COL23A1: variants seen among roughly 807,000 people sequenced by gnomAD.
The protein encoded by COL23A1 is collagen type XXIII alpha 1 chain.
COL23A1 carries 97 observed loss-of-function variants against 99.3 expected under a neutral mutation model. The ratio of observed to expected loss-of-function variants is 0.98; its 90% CI spans 0.83 to 1.16. The LOEUF (loss-of-function observed/expected upper bound fraction) is 1.16, where lower values mean the gene tolerates loss of function less well. Among genes scored for constraint, COL23A1 ranks in the 50% most tolerant of loss-of-function variants. COL23A1 has a pLI of 0.00. For synonymous variants in COL23A1, 320 were observed against 308.2 expected (o/e 1.04, Z -0.40); for missense variants, 762 against 757.4 (o/e 1.01, Z -0.07).
intron 2 of COL23A1, among the ~76,000 whole-genome samples, chr5:178,547,011 G>A (rs1226965600): frequency 1.3e-5 from 2 of 152,288 alleles, no homozygotes; most frequent in South Asian, 2.1e-4. Flanking sequence ...AAGCTTGGGG[G>A]GCATCCTTCT....
At chr5:178,287,839 G>A (rs1219023938) in intron 5 of COL23A1, among the ~76,000 whole-genome samples, 3 of 152,234 alleles carry the variant, frequency 2.0e-5, no homozygotes, top group Non-Finnish European at 1.5e-5. Context: ...CTTGGCCGGG[G>A]CTAGGACATC....
In COL23A1 at chr5:178,247,021, C is replaced by G. The variant is rs188459186; in HGVS notation, c.1296+505G>C. 4.7e-3 allele frequency among the ~76,000 whole-genome samples: 712 copies of G among 152,284 alleles called. 4 individuals are homozygous for G. Among genetic ancestry groups the G allele is most frequent in the African/African-American group, 0.016 (674 of 41,546 alleles). ...AAGGAGTGAGGCCAGGTGGCCTCCC[C>G]TTCTGTGTCTGCCTCCCTGGGGCAG... On this transcript the variant is annotated intron_variant, in intron 22 of 28. Coordinates refer to ENST00000390654, the MANE Select transcript of COL23A1 (RefSeq NM_173465.4).
intron 2 of COL23A1, among the ~76,000 whole-genome samples, chr5:178,473,848 C>CTTTT (rs1756892773): frequency 6.6e-6 from 1 of 152,180 alleles, no homozygotes; most frequent in Non-Finnish European, 1.5e-5. Context: ...AAAAGAAGCA[C>CTTTT]TTTGAAAGCT....
In COL23A1 at chr5:178,326,780, C is replaced by G. The variant is rs185404840; in HGVS notation, c.362-19861G>C. The stretch of plus-strand genomic sequence containing the variant: ...TGTCACCCAGGCTGGAGTGCAGTGG[C>G]GCGATTTCGGCTCACTGCAACCTCT... On this transcript the variant is annotated intron_variant, in intron 2 of 28. Coordinates refer to ENST00000390654, the MANE Select transcript of COL23A1 (RefSeq NM_173465.4). Among the ~76,000 whole-genome samples the G allele has an allele frequency of 1.4e-3, 219 of 152,280 alleles. 1 individual carries two copies. Among genetic ancestry groups the G allele is most frequent in the Non-Finnish European group, 2.3e-3 (156 of 68,030 alleles).
At chr5:178,521,848 CA>C (rs1290597901) in intron 2 of COL23A1, among the ~76,000 whole-genome samples, 1 of 152,034 alleles carries the variant, frequency 6.6e-6, no homozygotes, top group African/African-American at 2.4e-5. Context: ...TGGCTGGGGT[CA>C]GGGGTATAAA....
chr5:178,536,486 A>G (rs1351115875), intron 2 of COL23A1, among the ~76,000 whole-genome samples: 3 of 152,184 alleles, frequency 2.0e-5, no homozygotes, highest in Non-Finnish European at 2.9e-5. Context: ...CACACTGTCT[A>G]CAGGTTGTAC....
intron 2 of COL23A1, among the ~76,000 whole-genome samples, chr5:178,317,860 G>A (rs1249476102): frequency 6.6e-6 from 1 of 152,190 alleles, no homozygotes; most frequent in African/African-American, 2.4e-5. Flanking sequence ...CTTACATGGT[G>A]GCAGGCAAGA....
chr5:178,429,659 C>T (rs528731014), intron 2 of COL23A1, among the ~76,000 whole-genome samples: 3 of 152,132 alleles, frequency 2.0e-5, no homozygotes, highest in Non-Finnish European at 4.4e-5. Context: ...CACGCACTCT[C>T]GCCTGGACAC....
chr5:178,465,091 G>A (rs968885244), intron 2 of COL23A1, among the ~76,000 whole-genome samples: 1 of 152,204 alleles, frequency 6.6e-6, no homozygotes, highest in African/African-American at 2.4e-5. Flanking sequence ...GCCCAGCCAG[G>A]TGGGGCCAGG....
intron 2 of COL23A1, among the ~76,000 whole-genome samples, chr5:178,342,787 GAAAA>G (rs369802005): frequency 1.4e-3 from 175 of 122,314 alleles, no homozygotes; most frequent in African/African-American, 4.1e-3. Context: ...TTCTTGTCAA[GAAAA>G]AAAAAACAAA....
At chr5:178,343,908 A>G (rs539581891) in intron 2 of COL23A1, among the ~76,000 whole-genome samples, 5 of 152,166 alleles carry the variant, frequency 3.3e-5, no homozygotes, top group Non-Finnish European at 4.4e-5. Context: ...TGATCTGCCC[A>G]CCTTGGCCTC....
At chr5:178,372,724 C>G (rs552017277) in intron 2 of COL23A1, among the ~76,000 whole-genome samples, 7 of 151,726 alleles carry the variant, frequency 4.6e-5, no homozygotes, top group Non-Finnish European at 1.0e-4. Flanking sequence ...AGGCACCCAC[C>G]ACCACACCTG....
At chr5:178,542,021 C>T (rs1761317911) in intron 2 of COL23A1, among the ~76,000 whole-genome samples, 1 of 152,110 alleles carries the variant, frequency 6.6e-6, no homozygotes, top group African/African-American at 2.4e-5. Flanking sequence ...TAGCAGGTTA[C>T]ATCTTTTTAT....
rs368841288 is a variant in COL23A1, at chr5:178,384,523, G to A, written c.362-77604C>T. Among the ~76,000 whole-genome samples, 15 of 152,002 alleles carry A rather than the reference G, an allele frequency of 9.9e-5. No homozygotes were observed. The highest frequency in any genetic ancestry group is 2.1e-4 in the South Asian group (1 of 4,820). On this transcript the variant is annotated intron_variant, in intron 2 of 28. Coordinates refer to ENST00000390654, the MANE Select transcript of COL23A1 (RefSeq NM_173465.4). The surrounding 1 kb of genome is among the most constrained non-coding windows in gnomAD (Gnocchi z 5.5). The stretch of plus-strand genomic sequence containing the variant: ...GGCGCTGAGTGCATCCCTCTCCAGC[G>A]GCCCACCGGGCACTGTGCAGGGGCC...
At chr5:178,296,497 G>A (rs1387287549) in intron 3 of COL23A1, among the ~76,000 whole-genome samples, 2 of 152,190 alleles carry the variant, frequency 1.3e-5, no homozygotes, top group African/African-American at 2.4e-5. Flanking sequence ...CGGATCCCAC[G>A]CAGGGGCTGC....
At chr5:178,404,281 T>C (rs1764633239) in intron 2 of COL23A1, among the ~76,000 whole-genome samples, 1 of 152,144 alleles carries the variant, frequency 6.6e-6, no homozygotes, top group Non-Finnish European at 1.5e-5. Context: ...GCCACCATCA[T>C]TCATTCATTT....
At chr5:178,364,483 C>T (rs1232551777) in intron 2 of COL23A1, among the ~76,000 whole-genome samples, 2 of 119,422 alleles carry the variant, frequency 1.7e-5, no homozygotes, top group African/African-American at 6.2e-5. Context: ...AGTACTCAGC[C>T]TTGGTCCCCT....
intron 2 of COL23A1, among the ~76,000 whole-genome samples, chr5:178,358,114 T>C (rs1761849131): frequency 6.6e-6 from 1 of 151,452 alleles, no homozygotes; most frequent in South Asian, 2.1e-4. Flanking sequence ...TGTGTATGTG[T>C]ATGTGTACGT....
chr5:178,363,743 C>G, intron 2 of COL23A1, among the ~76,000 whole-genome samples: 1 of 152,234 alleles, frequency 6.6e-6, no homozygotes, highest in Non-Finnish European at 1.5e-5. Flanking sequence ...GCTCACTGCG[C>G]TAGAGTTTCC....
Sources: gnomAD v4.1 joint callset for allele counts (sites outside exome capture counted in the v4.1 genomes callset) on GRCh38, gnomAD v4.1.1 for gene constraint, Gnocchi (gnomAD v3.1) non-coding constraint, MANE v1.5 for transcripts, NCBI Gene and HGNC (gene_info 2026-07-23, HGNC 2026-07-21) for gene names.